SLC9A9: variants seen among roughly 807,000 people sequenced by gnomAD.
SLC9A9 encodes the protein sodium/hydrogen exchanger 9.
In SLC9A9, 62 loss-of-function variants were observed where a neutral mutation model predicts 77.8. That is an observed-to-expected ratio of 0.80 (90% CI 0.65 to 0.98). The LOEUF is 0.98. Ranked by LOEUF, SLC9A9 falls within the 50% of genes least tolerant of loss-of-function variation. SLC9A9 has a pLI of 0.00. For missense variants in SLC9A9, 775 were observed against 774.9 expected, an observed-to-expected ratio of 1.00 and a Z score of 0.00; for synonymous variants, 320 against 283.5, an observed-to-expected ratio of 1.13 and a Z score of -1.29.
At chr3:143,297,399 T>A (rs1204251154) in intron 14 of SLC9A9, among the ~76,000 whole-genome samples, 1 of 152,250 alleles carries the variant, frequency 6.6e-6, no homozygotes, top group African/African-American at 2.4e-5. Flanking sequence ...TTTGTTTGTC[T>A]ATTTTTATGC....
chr3:143,479,934 G>A (rs1245863916), intron 11 of SLC9A9, among the ~76,000 whole-genome samples: 1 of 152,190 alleles, frequency 6.6e-6, no homozygotes, highest in Non-Finnish European at 1.5e-5. Flanking sequence ...GTTAAAGAAA[G>A]TAAAAGAAAC....
At chr3:143,283,272 C>T (rs1411323800) in intron 14 of SLC9A9, among the ~76,000 whole-genome samples, 1 of 152,130 alleles carries the variant, frequency 6.6e-6, no homozygotes, top group South Asian at 2.1e-4. Context: ...AAGACGGTGG[C>T]CTTAGGGACA....
At chr3:143,384,674 G>A (rs1169404633) in intron 12 of SLC9A9, among the ~76,000 whole-genome samples, 1 of 152,102 alleles carries the variant, frequency 6.6e-6, no homozygotes, top group African/African-American at 2.4e-5. Flanking sequence ...TCAGTGGAAG[G>A]CATCTCAGAG....
intron 14 of SLC9A9, among the ~76,000 whole-genome samples, chr3:143,358,972 T>C (rs2032666533): frequency 2.0e-5 from 3 of 152,116 alleles, no homozygotes; most frequent in Non-Finnish European, 4.4e-5. Context: ...GCTCAAGCAA[T>C]AGGGATTTAA....
chr3:143,791,088 T>C (rs142293619), intron 4 of SLC9A9, among the ~76,000 whole-genome samples: 1 of 152,170 alleles, frequency 6.6e-6, no homozygotes, highest in Non-Finnish European at 1.5e-5. Flanking sequence ...AGGACATGAA[T>C]ACAGAAATAT....
chr3:143,560,950 G>A (rs2037074227), intron 8 of SLC9A9, among the ~76,000 whole-genome samples: 1 of 152,216 alleles, frequency 6.6e-6, no homozygotes, highest in African/African-American at 2.4e-5. Context: ...GGAGGCTGAG[G>A]CAGGCTGATC....
At chr3:143,623,594 C>A (rs1264451304) in intron 6 of SLC9A9, among the ~76,000 whole-genome samples, 1 of 152,036 alleles carries the variant, frequency 6.6e-6, no homozygotes, top group Non-Finnish European at 1.5e-5. Context: ...ATACCAGAAT[C>A]TCTGGGACAC....
chr3:143,459,551 G>T (rs1319971226), intron 12 of SLC9A9, among the ~76,000 whole-genome samples: 1 of 152,118 alleles, frequency 6.6e-6, no homozygotes, highest in Non-Finnish European at 1.5e-5. Context: ...CCAGTGTCCA[G>T]TTGGGGAGCT....
At chr3:143,281,043 G>A (rs1938201968) in intron 14 of SLC9A9, among the ~76,000 whole-genome samples, 1 of 152,186 alleles carries the variant, frequency 6.6e-6, no homozygotes, top group African/African-American at 2.4e-5. Context: ...TCAGGTGCCT[G>A]AAGTAGGTGC....
intron 9 of SLC9A9, among the ~76,000 whole-genome samples, chr3:143,515,795 A>G (rs191378253): frequency 6.6e-6 from 1 of 152,168 alleles, no homozygotes; most frequent in Non-Finnish European, 1.5e-5. Flanking sequence ...GATTGTTTAC[A>G]ACCTTTATAT....
chr3:143,505,933 C>T (rs1475952054), intron 9 of SLC9A9, among the ~76,000 whole-genome samples: 1 of 152,100 alleles, frequency 6.6e-6, no homozygotes, highest in Non-Finnish European at 1.5e-5. Context: ...CCAGTAAATA[C>T]TGATAATAGT....
chr3:143,721,517 T>C (rs1576681374), intron 4 of SLC9A9, among the ~76,000 whole-genome samples: 2 of 152,066 alleles, frequency 1.3e-5, no homozygotes, highest in Non-Finnish European at 2.9e-5. Context: ...AGGCAGTCTC[T>C]GGAGACGTGG....
intron 9 of SLC9A9, among the ~76,000 whole-genome samples, chr3:143,498,202 T>C (rs996920813): frequency 6.6e-6 from 1 of 152,244 alleles, no homozygotes; most frequent in African/African-American, 2.4e-5. Context: ...ACCTGCTCTT[T>C]GTTCGTGTTG....
At chr3:143,751,459 G>A (rs1214228293) in intron 4 of SLC9A9, among the ~76,000 whole-genome samples, 1 of 152,172 alleles carries the variant, frequency 6.6e-6, no homozygotes, top group Non-Finnish European at 1.5e-5. Flanking sequence ...GCTTTCCAGA[G>A]ACATCCGATG....
chr3:143,659,837 C>T (rs534791934), intron 5 of SLC9A9, among the ~76,000 whole-genome samples: 1 of 152,244 alleles, frequency 6.6e-6, no homozygotes, highest in African/African-American at 2.4e-5. Context: ...TCCCATAATT[C>T]CCACATGTCA....
At chr3:143,342,579 G>C (rs1048346266) in intron 14 of SLC9A9, among the ~76,000 whole-genome samples, 3 of 152,182 alleles carry the variant, frequency 2.0e-5, no homozygotes, top group African/African-American at 7.2e-5. Flanking sequence ...GTAGCAACTA[G>C]AGCAGGACTC....
intron 11 of SLC9A9, among the ~76,000 whole-genome samples, chr3:143,473,104 CA>C (rs762466572): frequency 6.6e-6 from 1 of 152,036 alleles, no homozygotes; most frequent in Non-Finnish European, 1.5e-5. Context: ...GATTCTGATG[CA>C]GCAGAGGACG....
At chr3:143,476,301 G>A (rs1559932522) in intron 11 of SLC9A9, among the ~76,000 whole-genome samples, 1 of 152,234 alleles carries the variant, frequency 6.6e-6, no homozygotes, top group East Asian at 1.9e-4. Flanking sequence ...CTAAGCCTGT[G>A]TTAGACAAGT....
chr3:143,686,981 G>A (rs1933292799), intron 5 of SLC9A9, among the ~76,000 whole-genome samples: 1 of 152,028 alleles, frequency 6.6e-6, no homozygotes, highest in Non-Finnish European at 1.5e-5. Flanking sequence ...TCCCTGTCCT[G>A]CCATTTTCCA....
Sources: gnomAD v4.1 joint callset for allele counts (sites outside exome capture counted in the v4.1 genomes callset) on GRCh38, gnomAD v4.1.1 for gene constraint, MANE v1.5 for transcripts, NCBI Gene and HGNC (gene_info 2026-07-23, HGNC 2026-07-21) for gene names.